Variants in SH3BGR observed in about 807,000 individuals in gnomAD.
SH3BGR encodes SH3 domain-binding glutamic acid-rich protein.
Under a neutral mutation model 24.5 loss-of-function variants are expected in SH3BGR, and 29 were observed. The observed-to-expected ratio is 1.18, with a 90% CI of 0.88 to 1.61. SH3BGR has a LOEUF of 1.61. Among genes scored for constraint, SH3BGR ranks in the 40% most tolerant of loss-of-function variants. SH3BGR has a pLI of 0.00. For missense variants in SH3BGR, 162 were observed against 205.8 expected (o/e 0.79, Z 1.30); for synonymous variants, 55 against 65.7 (o/e 0.84, Z 0.79).
upstream of SH3BGR, among the ~76,000 whole-genome samples, chr21:39,450,524 G>T (rs563256166): frequency 6.6e-6 from 1 of 152,116 alleles, no homozygotes; most frequent in African/African-American, 2.4e-5. Flanking sequence ...CAGAAGCCTG[G>T]GAGATTCCTC....
intron 3 of SH3BGR, among the ~76,000 whole-genome samples, chr21:39,481,284 G>A (rs1372640489): frequency 1.3e-5 from 2 of 152,146 alleles, no homozygotes; most frequent in Non-Finnish European, 2.9e-5. Flanking sequence ...GGGCAACATA[G>A]TGAGACCCTG....
At chr21:39,468,521 C>T (rs547877377) in intron 2 of SH3BGR, among the ~76,000 whole-genome samples, 3 of 152,258 alleles carry the variant, frequency 2.0e-5, no homozygotes, top group African/African-American at 7.2e-5. Flanking sequence ...TCACTGCAGC[C>T]TCAACCTCCT....
chr21:39,502,643 G>A (rs1287244043), intron 4 of SH3BGR, among the ~76,000 whole-genome samples: 5 of 152,240 alleles, frequency 3.3e-5, no homozygotes, highest in African/African-American at 1.2e-4. Flanking sequence ...TGGGTGGGGT[G>A]TTTTGAAGAC....
chr21:39,473,800 G>C (rs1157445295), intron 2 of SH3BGR, among the ~76,000 whole-genome samples: 1 of 151,048 alleles, frequency 6.6e-6, no homozygotes, highest in African/African-American at 2.4e-5. Flanking sequence ...CAGGAGAATC[G>C]CTTGAACCCA....
intron 2 of SH3BGR, among the ~76,000 whole-genome samples, chr21:39,463,744 T>C (rs1219476837): frequency 6.6e-6 from 1 of 152,222 alleles, no homozygotes; most frequent in Non-Finnish European, 1.5e-5. Context: ...GCAGAGGCCA[T>C]ATGATCCACA....
intron 2 of SH3BGR, among the ~76,000 whole-genome samples, chr21:39,471,275 TAA>T (rs1276320636): frequency 6.6e-6 from 1 of 152,164 alleles, no homozygotes; most frequent in Non-Finnish European, 1.5e-5. Flanking sequence ...TATCTTTCAA[TAA>T]GTCTAGAAAA....
At chr21:39,508,804 T>G (rs2078626133) in intron 4 of SH3BGR, among the ~76,000 whole-genome samples, 194 bp from the exon 5 acceptor site, 1 of 152,176 alleles carries the variant, frequency 6.6e-6, no homozygotes, top group Admixed American at 6.5e-5. Flanking sequence ...TTTAAGAGCT[T>G]GAAATATAAT....
chr21:39,461,114 A>G (rs957355791), intron 1 of SH3BGR, among the ~76,000 whole-genome samples: 1 of 150,846 alleles, frequency 6.6e-6, no homozygotes, highest in Non-Finnish European at 1.5e-5. Flanking sequence ...AGACAACATT[A>G]CAACTCATCT....
At position 39,515,129 on chromosome 21, in the gene SH3BGR, A is replaced by G. The variant is rs1345050177; in HGVS notation, c.*76A>G. 6.4e-6 allele frequency: 3 copies of G among 470,750 alleles called. No homozygotes were observed. The highest frequency in any genetic ancestry group is 1.3e-5 in the Non-Finnish European group (3 of 226,830). The allele number at this position is 470,750 out of a possible 1,614,324, so 29.2% of individuals were successfully genotyped here. A position where few individuals can be genotyped will look rare whatever the true frequency, so the allele number is the denominator to read the frequency against. The stretch of plus-strand genomic sequence containing the variant: ...AGCAACATTTCAAATGTCTCTCCAC[A>G]AACCAAACTCAACAGAATACTTTGG... On this transcript the variant is annotated 3_prime_UTR_variant, in exon 7 of 7. Coordinates refer to ENST00000333634, the MANE Select transcript of SH3BGR (RefSeq NM_007341.3).
At chr21:39,448,923 A>G (rs2077542391), upstream of SH3BGR, among the ~76,000 whole-genome samples, 2 of 149,202 alleles carry the variant, frequency 1.3e-5, no homozygotes, top group South Asian at 2.1e-4. Flanking sequence ...CAGACCTACT[A>G]CAACTCCAGT....
chr21:39,486,024 T>C (rs1412336604), intron 3 of SH3BGR, among the ~76,000 whole-genome samples: 2 of 152,182 alleles, frequency 1.3e-5, no homozygotes, highest in Non-Finnish European at 2.9e-5. Context: ...ATCAGAAACC[T>C]GAACCCAAAT....
At chr21:39,486,946 G>T (rs945891536) in intron 3 of SH3BGR, among the ~76,000 whole-genome samples, 3 of 152,086 alleles carry the variant, frequency 2.0e-5, no homozygotes, top group African/African-American at 7.2e-5. Context: ...TTGAACTCCT[G>T]ACCTCAGATA....
intron 2 of SH3BGR, among the ~76,000 whole-genome samples, chr21:39,473,768 C>T (rs1367248363): frequency 6.6e-6 from 1 of 151,778 alleles, no homozygotes; most frequent in Non-Finnish European, 1.5e-5. Context: ...ACCTGTAATC[C>T]CAGCTACTCA....
At chr21:39,447,503 C>A (rs1051690983), upstream of SH3BGR, among the ~76,000 whole-genome samples, 8 of 151,068 alleles carry the variant, frequency 5.3e-5, no homozygotes, top group African/African-American at 2.0e-4. Flanking sequence ...ACAACCTCCG[C>A]TTCCTGGGTT....
intron 5 of SH3BGR, among the ~76,000 whole-genome samples, chr21:39,510,551 TAGTC>T (rs2078669778): frequency 6.6e-6 from 1 of 151,486 alleles, no homozygotes; most frequent in Non-Finnish European, 1.5e-5. Context: ...TTTGGGGAGG[TAGTC>T]AGTACAGATC....
At chr21:39,507,545 C>T (rs1211625623) in intron 4 of SH3BGR, among the ~76,000 whole-genome samples, 12 of 152,160 alleles carry the variant, frequency 7.9e-5, no homozygotes, top group Admixed American at 3.9e-4. Flanking sequence ...GTTGGTCAGG[C>T]TGGTCTCAAA....
At chr21:39,490,545 C>A (rs1395431290) in intron 3 of SH3BGR, among the ~76,000 whole-genome samples, 1 of 152,130 alleles carries the variant, frequency 6.6e-6, no homozygotes, top group Non-Finnish European at 1.5e-5. Context: ...GTTACAGCTT[C>A]TGTAATTATC....
intron 2 of SH3BGR, among the ~76,000 whole-genome samples, chr21:39,470,774 C>T (rs1169895210): frequency 1.3e-5 from 2 of 151,868 alleles, no homozygotes; most frequent in Admixed American, 1.3e-4. Flanking sequence ...TGAGATATTC[C>T]ATCTGGAATT....
intron 3 of SH3BGR, among the ~76,000 whole-genome samples, chr21:39,485,039 C>T (rs1188094637): frequency 6.6e-6 from 1 of 152,186 alleles, no homozygotes; most frequent in Non-Finnish European, 1.5e-5. Context: ...GAACATTTTT[C>T]TTGTCTTAGA....
Sources: allele counts gnomAD v4.1 joint callset (sites outside exome capture counted in the v4.1 genomes callset), GRCh38; gene constraint gnomAD v4.1.1; transcripts MANE v1.5; gene names NCBI Gene and HGNC (gene_info 2026-07-23, HGNC 2026-07-21).